Variants in PDE1A observed in about 807,000 individuals in gnomAD.
PDE1A encodes the protein dual specificity calcium/calmodulin-dependent 3',5'-cyclic nucleotide phosphodiesterase 1A.
Under a neutral mutation model 61.7 loss-of-function variants are expected in PDE1A, and 35 were observed. The ratio of observed to expected loss-of-function variants is 0.57; its 90% CI spans 0.43 to 0.75. The LOEUF (loss-of-function observed/expected upper bound fraction) is 0.75. Ranked by LOEUF, PDE1A falls within the 30% of genes least tolerant of loss-of-function variation. PDE1A has a pLI of 0.00. For synonymous variants in PDE1A, 232 were observed against 213.2 expected (o/e 1.09, Z -0.77); for missense variants, 597 against 630.6 (o/e 0.95, Z 0.57).
chr2:182,605,297 A>C, the PDE1A span, among the ~76,000 whole-genome samples: 1 of 152,100 alleles, frequency 6.6e-6, no homozygotes. Flanking sequence ...TTCCTACACT[A>C]GCTGTTCCCT....
chr2:182,587,658 G>C, the PDE1A span, among the ~76,000 whole-genome samples: 2 of 152,120 alleles, frequency 1.3e-5, no homozygotes, highest in Non-Finnish European at 2.9e-5. Flanking sequence ...TCAAATCGAT[G>C]GCTGATCGGG....
At chr2:182,257,449 C>T (rs1040303860) in intron 2 of PDE1A, among the ~76,000 whole-genome samples, 1 of 152,130 alleles carries the variant, frequency 6.6e-6, no homozygotes, top group Non-Finnish European at 1.5e-5. Flanking sequence ...TTGAATAGGT[C>T]TTTTAGTTAC....
intron 13 of PDE1A, 102 bp from the exon 14 acceptor site, chr2:182,147,254 G>C: frequency 1.7e-6 from 1 of 586,264 alleles, no homozygotes; most frequent in Non-Finnish European, 2.9e-6. Flanking sequence ...GTTGAAGACT[G>C]AATTTTACAA....
chr2:182,170,252 T>C (rs1216286500), intron 13 of PDE1A, among the ~76,000 whole-genome samples: 1 of 152,092 alleles, frequency 6.6e-6, no homozygotes, highest in Non-Finnish European at 1.5e-5. Context: ...TTCACTTTTG[T>C]CAGACTAAAA....
chr2:182,311,359 T>C (rs1325142135), intron 1 of PDE1A, among the ~76,000 whole-genome samples: 1 of 152,224 alleles, frequency 6.6e-6, no homozygotes, highest in Non-Finnish European at 1.5e-5. Flanking sequence ...GGTTCATTGA[T>C]GTATAATTTA....
the PDE1A span, among the ~76,000 whole-genome samples, chr2:182,622,212 A>C: frequency 6.6e-6 from 1 of 152,206 alleles, no homozygotes; most frequent in Non-Finnish European, 1.5e-5. Context: ...CTCTAATCCA[A>C]GTGGTTCTAA....
chr2:182,288,837 T>A (rs138892043), intron 1 of PDE1A, among the ~76,000 whole-genome samples: 1 of 152,072 alleles, frequency 6.6e-6, no homozygotes, highest in Admixed American at 6.6e-5. Context: ...TTAGAAATGA[T>A]GCACATTAGA....
At chr2:182,527,407 A>T (rs369075697), upstream of PDE1A, among the ~76,000 whole-genome samples, 8 of 132,100 alleles carry the variant, frequency 6.1e-5, no homozygotes, top group African/African-American at 2.3e-4. Context: ...TATATACACA[A>T]AAAAGCCAGG....
chr2:182,512,806 G>A (rs1489774376), intron 2 of PDE1A, among the ~76,000 whole-genome samples: 2 of 152,044 alleles, frequency 1.3e-5, no homozygotes, highest in Non-Finnish European at 2.9e-5. Context: ...ATCATAATAC[G>A]ATCACAAGTA....
chr2:182,330,905 G>A (rs1455712112), intron 1 of PDE1A, among the ~76,000 whole-genome samples: 6 of 151,926 alleles, frequency 3.9e-5, no homozygotes, highest in Admixed American at 3.3e-4. Flanking sequence ...GGCCCCATAG[G>A]GAAATCTTGC....
intron 1 of PDE1A, among the ~76,000 whole-genome samples, chr2:182,420,044 CTAAT>C (rs1406551223): frequency 6.6e-6 from 1 of 151,096 alleles, no homozygotes; most frequent in African/African-American, 2.4e-5. Flanking sequence ...ATAATTAATA[CTAAT>C]TAATTACTTA....
chr2:182,671,514 C>A, the PDE1A span, among the ~76,000 whole-genome samples: 1 of 150,368 alleles, frequency 6.7e-6, no homozygotes, highest in Non-Finnish European at 1.5e-5. Context: ...GTGGCCAGCA[C>A]TCAAATTACA....
the PDE1A span, among the ~76,000 whole-genome samples, chr2:182,601,095 C>A: frequency 6.6e-6 from 1 of 152,240 alleles, no homozygotes; most frequent in African/African-American, 2.4e-5. Flanking sequence ...TCAGGCCCAG[C>A]TTGTTCCACC....
intron 1 of PDE1A, among the ~76,000 whole-genome samples, chr2:182,365,485 TTAAAC>T (rs1168152078): frequency 4.6e-5 from 7 of 152,160 alleles, no homozygotes; most frequent in African/African-American, 1.7e-4. Context: ...GAGAATCAGA[TTAAAC>T]TAAGTCAACT....
chr2:182,507,157 AAAT>A (rs1689465521), intron 2 of PDE1A, among the ~76,000 whole-genome samples: 1 of 152,216 alleles, frequency 6.6e-6, no homozygotes, highest in Admixed American at 6.5e-5. Flanking sequence ...TCAAAGAAAT[AAAT>A]GACAGTAGAT....
chr2:182,319,749 A>C (rs1392719397), intron 1 of PDE1A, among the ~76,000 whole-genome samples: 1 of 152,226 alleles, frequency 6.6e-6, no homozygotes, highest in Non-Finnish European at 1.5e-5. Context: ...GCTGACAAGC[A>C]CAGTAACTCA....
chr2:182,174,064 C>G (rs577283494), intron 13 of PDE1A, among the ~76,000 whole-genome samples: 1 of 151,984 alleles, frequency 6.6e-6, no homozygotes, highest in Non-Finnish European at 1.5e-5. Context: ...TACAGAGACC[C>G]GTGAGATAAA....
chr2:182,518,537 C>T (rs528934241), intron 2 of PDE1A, among the ~76,000 whole-genome samples: 2 of 152,186 alleles, frequency 1.3e-5, no homozygotes, highest in South Asian at 2.1e-4. Context: ...TCTGGACATT[C>T]GTCGGGATGG....
At chr2:182,342,640 G>A (rs1032859951) in intron 1 of PDE1A, among the ~76,000 whole-genome samples, 19 of 152,132 alleles carry the variant, frequency 1.2e-4, no homozygotes, top group African/African-American at 2.9e-4. Flanking sequence ...CTGAGATCGC[G>A]CCACTGCACT....
Sources: allele counts gnomAD v4.1 joint callset (sites outside exome capture counted in the v4.1 genomes callset), GRCh38; gene constraint gnomAD v4.1.1; transcripts MANE v1.5; gene names NCBI Gene and HGNC (gene_info 2026-07-23, HGNC 2026-07-21).